The following SLC38A1 variants were observed in gnomAD, a reference collection of about 807,000 sequenced individuals.
SLC38A1 encodes solute carrier family 38 member 1.
A neutral mutation model predicts 60.3 loss-of-function variants in SLC38A1; 18 were observed. That is an observed-to-expected ratio of 0.30 (90% CI 0.21 to 0.44). The LOEUF is 0.44. SLC38A1 is among the 20% of genes least tolerant of loss of function. SLC38A1 has a pLI of 1.00. For synonymous variants in SLC38A1, 196 were observed against 212.1 expected (o/e 0.92, Z 0.66); for missense variants, 448 against 587.2 (o/e 0.76, Z 2.45).
chr12:46,203,143 A>G, intron 11 of SLC38A1, 54 bp from the exon 12 acceptor site: 1 of 1,406,470 alleles, frequency 7.1e-7, no homozygotes, highest in Non-Finnish European at 1.0e-6. Context: ...CATAAAAAGG[A>G]CATAGCTCCA....
chr12:46,203,296 G>A (rs2289770), intron 11 of SLC38A1, among the ~76,000 whole-genome samples: 2 of 152,100 alleles, frequency 1.3e-5, no homozygotes, highest in Non-Finnish European at 2.9e-5. Flanking sequence ...TTGTCACAGA[G>A]GGACTTCGGA....
At position 46,248,146 on chromosome 12, in the gene SLC38A1, A is replaced by G. The variant is rs11532520; in HGVS notation, c.-208-4832T>C. On this transcript the variant is annotated intron_variant, in intron 1 of 16. Coordinates refer to ENST00000398637, the MANE Select transcript of SLC38A1 (RefSeq NM_030674.4). ...CATCAATTAACGAGCAAAATAACCAACTAACATCATAATGACAGGATCAAA... is the reference window on the plus strand; with the variant it reads ...CATCAATTAACGAGCAAAATAACCAGCTAACATCATAATGACAGGATCAAA... 2.3e-3 allele frequency among the ~76,000 whole-genome samples: 348 copies of G among 152,244 alleles called. 7 individuals are homozygous for G. The East Asian group carries it at 0.058, about 25-fold the overall frequency.
chr12:46,211,139 T>G (rs1364986992), intron 5 of SLC38A1, among the ~76,000 whole-genome samples: 3 of 152,216 alleles, frequency 2.0e-5, no homozygotes, highest in African/African-American at 7.2e-5. Flanking sequence ...GTTCACTTGT[T>G]TTGAGGGACA....
intron 1 of SLC38A1, among the ~76,000 whole-genome samples, chr12:46,248,440 G>C (rs1042844148): frequency 3.3e-5 from 5 of 152,140 alleles, no homozygotes; most frequent in Non-Finnish European, 7.4e-5. Flanking sequence ...AGACAAAGAA[G>C]GCCATAATGG....
chr12:46,252,498 A>G (rs981890790), intron 1 of SLC38A1, among the ~76,000 whole-genome samples: 2 of 151,944 alleles, frequency 1.3e-5, no homozygotes, highest in Non-Finnish European at 2.9e-5. Context: ...CCCTAGAAGT[A>G]TAATAAAATA....
intron 5 of SLC38A1, among the ~76,000 whole-genome samples, chr12:46,227,482 A>T (rs990210757): frequency 9.2e-5 from 14 of 152,200 alleles, no homozygotes; most frequent in Admixed American, 5.2e-4. Flanking sequence ...CAGCTACTTC[A>T]TAGAGTTATT....
At chr12:46,207,858 G>A (rs1565760383) in intron 6 of SLC38A1, among the ~76,000 whole-genome samples, 1 of 152,146 alleles carries the variant, frequency 6.6e-6, no homozygotes, top group Non-Finnish European at 1.5e-5. Flanking sequence ...GGCTACCAGA[G>A]CATTACAATT....
rs1449933014 is a variant in SLC38A1 at position 46,208,113 on chromosome 12, A to G, written c.389-492T>C. ...ACGTTCTAAATGTAATAACAAGCTT[A>G]GAAACATTTTAATAGCCACGACATA... On this transcript the variant is annotated intron_variant, in intron 6 of 16. Coordinates refer to ENST00000398637, the MANE Select transcript of SLC38A1 (RefSeq NM_030674.4). 2.0e-5 allele frequency among the ~76,000 whole-genome samples: 3 copies of G among 152,352 alleles called. No homozygotes were observed. In the South Asian group the frequency reaches 6.2e-4, roughly 32 times the overall value.
intron 5 of SLC38A1, among the ~76,000 whole-genome samples, chr12:46,228,939 G>T (rs568173998): frequency 6.6e-6 from 1 of 152,242 alleles, no homozygotes; most frequent in East Asian, 1.9e-4. Context: ...CAGTATTTTT[G>T]ATTAATAAAA....
chr12:46,257,101 A>G (rs553443308), intron 1 of SLC38A1, among the ~76,000 whole-genome samples: 40 of 152,286 alleles, frequency 2.6e-4, no homozygotes, highest in African/African-American at 8.7e-4. Flanking sequence ...GCCACTTGTC[A>G]GTCAAGAAGT....
chr12:46,208,942 CTT>C, intron 6 of SLC38A1, 110 bp downstream of exon 6: 1 of 768,222 alleles, frequency 1.3e-6, no homozygotes, highest in Non-Finnish European at 2.2e-6. Flanking sequence ...TCAAAATAGT[CTT>C]TCTTTTTAAT....
chr12:46,204,498 C>G, intron 10 of SLC38A1, 34 bp downstream of exon 10: 1 of 1,610,424 alleles, frequency 6.2e-7, no homozygotes, highest in Non-Finnish European at 8.5e-7. Context: ...TGTACTATCA[C>G]AAAACCAAAC....
At chr12:46,218,885 C>A (rs112238342) in intron 5 of SLC38A1, among the ~76,000 whole-genome samples, 93 of 151,984 alleles carry the variant, frequency 6.1e-4, no homozygotes, top group African/African-American at 2.1e-3. Context: ...GGTGCAATGG[C>A]AGAACTGGTT....
At chr12:46,191,612 G>C (rs1592056996) in intron 16 of SLC38A1, among the ~76,000 whole-genome samples, 1 of 152,142 alleles carries the variant, frequency 6.6e-6, no homozygotes, top group Non-Finnish European at 1.5e-5. Context: ...ATTTCGTTGA[G>C]CAGTGGTTTG....
chr12:46,251,522 G>T (rs1207402728), intron 1 of SLC38A1, among the ~76,000 whole-genome samples: 1 of 152,166 alleles, frequency 6.6e-6, no homozygotes, highest in Non-Finnish European at 1.5e-5. Flanking sequence ...AAGAGCTTCA[G>T]CACAGCAAAA....
In SLC38A1 at chr12:46,243,239, T is replaced by C. The variant is rs1941504573; in HGVS notation, c.-133A>G. 6.6e-6 allele frequency: 1 copy of C among 152,002 alleles called. No individual in the cohort carries two copies. Among genetic ancestry groups the C allele is most frequent in the African/African-American group, 2.4e-5 (1 of 41,394 alleles). The allele number at this position is 152,002 out of a possible 1,614,324, so 9.4% of individuals were successfully genotyped here. On this transcript the variant is annotated 5_prime_UTR_variant, in exon 2 of 17. Transcript: ENST00000398637. ...AGCAGAGACGATCACTCTATATATA[T>C]TGTTGTATGGCCTTCCAGGGTTTTT...
At position 46,268,035 on chromosome 12, in the gene SLC38A1, C is replaced by A. The variant is rs1942416788; in HGVS notation, c.-209+491G>T. ...TGGTCCGCGGCCGCTACCCAGCCGGCCGCACGCAGCACCCCCCGGACATCA... is the reference window on the plus strand; with the variant it reads ...TGGTCCGCGGCCGCTACCCAGCCGGACGCACGCAGCACCCCCCGGACATCA... On this transcript the variant is annotated intron_variant, in intron 1 of 16. Coordinates refer to ENST00000398637, the MANE Select transcript of SLC38A1 (RefSeq NM_030674.4). This position sits in a 1 kb window ranked among gnomAD's most constrained non-coding sequence, Gnocchi z 4.4. Among the ~76,000 whole-genome samples the A allele has an allele frequency of 6.6e-6, 1 of 152,202 alleles. No individual in the cohort carries two copies. Among genetic ancestry groups the A allele is most frequent in the Non-Finnish European group, 1.5e-5 (1 of 68,036 alleles).
Position 46,197,701 on chromosome 12 carries a change from T to C in SLC38A1, c.1362+19A>G. 6.9e-7 allele frequency: 1 copy of C among 1,447,170 alleles called. No homozygotes were observed. Among genetic ancestry groups the C allele is most frequent in the Non-Finnish European group, 9.6e-7 (1 of 1,046,882 alleles). The allele number at this position is 1,447,170 out of a possible 1,614,324, so 89.6% of individuals were successfully genotyped here. The stretch of plus-strand genomic sequence containing the variant: ...GGAAAACTAATCAGAAAAGTTAGAG[T>C]GGCTGGCAAGAGACATACCCAAATT... On this transcript the variant is annotated intron_variant, in intron 16 of 16. Transcript: ENST00000398637.
chr12:46,191,904 T>A (rs372478048), intron 16 of SLC38A1, among the ~76,000 whole-genome samples: 26 of 152,312 alleles, frequency 1.7e-4, no homozygotes, highest in African/African-American at 6.3e-4. Context: ...CCTCCTCTCC[T>A]AATTGAATAC....
Sources: gnomAD v4.1 joint callset for allele counts (sites outside exome capture counted in the v4.1 genomes callset) on GRCh38, gnomAD v4.1.1 for gene constraint, Gnocchi (gnomAD v3.1) non-coding constraint, MANE v1.5 for transcripts, NCBI Gene and HGNC (gene_info 2026-07-23, HGNC 2026-07-21) for gene names.